Variants in TRIO observed in about 807,000 individuals in gnomAD.
TRIO encodes the protein triple functional domain protein.
Under a neutral mutation model 351.9 loss-of-function variants are expected in TRIO, and 58 were observed. The ratio of observed to expected loss-of-function variants is 0.16; its 90% CI spans 0.13 to 0.21. The LOEUF is 0.21. Ranked by LOEUF, TRIO falls within the 10% of genes least tolerant of loss-of-function variation. TRIO has a pLI of 1.00. For synonymous variants in TRIO, 1,758 were observed against 1,595.7 expected (o/e 1.10, Z -2.42); for missense variants, 3,201 against 4,027.8 (o/e 0.79, Z 5.56).
At chr5:14,177,513 GC>G (rs1321744147) in intron 1 of TRIO, among the ~76,000 whole-genome samples, 1 of 152,200 alleles carries the variant, frequency 6.6e-6, no homozygotes, top group Non-Finnish European at 1.5e-5. Context: ...TTCAAGGATA[GC>G]CCAGGATTCT....
chr5:14,316,706 G>A lies in TRIO; in HGVS notation c.1694G>A (p.Arg565Lys). ...CACCGCAAGGTCCGGCTGCATCAGA[G>A]GCTGCAGCTGTGTGTTTTCCAGCAG... ...WQHRKVRLHQ[R>K]LQLCVFQQDV... The change falls in exon 9 of 57, where the codon AGG (arginine) becomes AAG (lysine). Residue 565 changes from arginine to lysine, a missense_variant. By Grantham distance (26) the Arg-to-Lys change is conservative. Transcript: ENST00000344204. The A allele has an allele frequency of 6.2e-7, 1 of 1,614,172 alleles. No homozygotes were observed. Among genetic ancestry groups the A allele is most frequent in the Non-Finnish European group, 8.5e-7 (1 of 1,180,018 alleles).
intron 9 of TRIO, among the ~76,000 whole-genome samples, chr5:14,328,522 T>TA (rs1352366192): frequency 6.6e-6 from 1 of 152,228 alleles, no homozygotes; most frequent in East Asian, 1.9e-4. Context: ...ATACGCCAGT[T>TA]AAAACAATGG....
intron 18 of TRIO, 124 bp downstream of exon 18, chr5:14,369,647 G>A (rs907521972): frequency 1.4e-5 from 17 of 1,246,652 alleles, no homozygotes; most frequent in African/African-American, 7.6e-5. Context: ...GGAATGTAAC[G>A]GGGCAGTGTC....
intron 1 of TRIO, among the ~76,000 whole-genome samples, chr5:14,208,294 A>G (rs977018953): frequency 4.6e-5 from 7 of 152,248 alleles, no homozygotes; most frequent in East Asian, 1.9e-4. Context: ...GTGGTATATC[A>G]TCATCATATC....
At chr5:14,306,526 G>A (rs1738388215) in intron 8 of TRIO, among the ~76,000 whole-genome samples, 2 of 152,132 alleles carry the variant, frequency 1.3e-5, no homozygotes, top group South Asian at 4.1e-4. Context: ...ACTCACACAT[G>A]TAATGAGGCC....
At position 14,486,198 on chromosome 5, in the gene TRIO, A is replaced by G. The variant is rs117297784; in HGVS notation, c.6835+952A>G. 2.8e-3 allele frequency among the ~76,000 whole-genome samples: 432 copies of G among 152,314 alleles called. 15 individuals carry two copies. In the East Asian group the frequency reaches 0.068, roughly 24 times the overall value. ...GAATTCAGTCCGAAGCTATGTGCCC[A>G]TGTCATCTGTGTCTTCTGGGTTCTT... On this transcript the variant is annotated intron_variant, in intron 47 of 56. Coordinates refer to ENST00000344204, the MANE Select transcript of TRIO (RefSeq NM_007118.4).
intron 37 of TRIO, 50 bp from the exon 38 acceptor site, chr5:14,471,268 A>C: frequency 6.3e-7 from 1 of 1,580,888 alleles, no homozygotes; most frequent in Non-Finnish European, 8.6e-7. Context: ...GTTTTAGCCA[A>C]TCATGGGCTG....
chr5:14,492,788 C>G lies in TRIO; in HGVS notation c.7854C>G (p.Ile2618Met). 6.2e-7 allele frequency: 1 copy of G among 1,614,012 alleles called. No individual in the cohort carries two copies. Among genetic ancestry groups the G allele is most frequent in the Non-Finnish European group, 8.5e-7 (1 of 1,179,990 alleles). ...GFVLGHTSAV[I>M]VENPDGTLKK... ...TCCTGGGCCACACCAGTGCAGTCAT[C>G]GTGGAGAACCCGGACGGGACTCTCA... The change falls in exon 49 of 57, where the codon ATC becomes ATG. Residue 2618 changes from isoleucine (I) to methionine (M), a missense_variant. Transcript: ENST00000344204.
intron 3 of TRIO, 40 bp downstream of exon 3, chr5:14,280,476 T>TCTC: frequency 2.6e-6 from 4 of 1,542,228 alleles, no homozygotes; most frequent in African/African-American, 1.4e-5. Flanking sequence ...TGATGTCACA[T>TCTC]TTACAAGAGA....
intron 1 of TRIO, among the ~76,000 whole-genome samples, chr5:14,181,640 C>T (rs1789775135): frequency 6.6e-6 from 1 of 152,230 alleles, no homozygotes; most frequent in South Asian, 2.1e-4. Context: ...GGCAGCTGCA[C>T]TGCAGAAATC....
chr5:14,199,209 A>AAAC (rs1395324860), intron 1 of TRIO, among the ~76,000 whole-genome samples: 92 of 151,144 alleles, frequency 6.1e-4, no homozygotes, highest in Non-Finnish European at 7.5e-4. Context: ...AAAAAAAAAA[A>AAAC]AAAAAAAAAA....
intron 1 of TRIO, among the ~76,000 whole-genome samples, chr5:14,159,023 C>A (rs1393315816): frequency 6.6e-6 from 1 of 152,084 alleles, no homozygotes; most frequent in South Asian, 2.1e-4. Context: ...TTTTAACTTG[C>A]CCCAGCTCAG....
rs567007340 is a variant in TRIO, at chr5:14,381,269, C to T, written c.3570+17C>T. On this transcript the variant is annotated intron_variant, in intron 21 of 56. Transcript: ENST00000344204. ...ACTGCAAAGGTGGGTTCAGAGTGTA[C>T]TTTGTATAGTGGCCTCTAAGTCGAA... The T allele has an allele frequency of 3.1e-6, 5 of 1,592,160 alleles. No homozygotes were observed. The African/African-American group carries it at 6.8e-5, about 22-fold the overall frequency.
chr5:14,300,368 T>C (rs1737771228), intron 7 of TRIO, among the ~76,000 whole-genome samples: 1 of 152,232 alleles, frequency 6.6e-6, no homozygotes, highest in African/African-American at 2.4e-5. Context: ...AATAGCAAGA[T>C]GATAAAATCA....
intron 1 of TRIO, among the ~76,000 whole-genome samples, chr5:14,171,836 C>T (rs929684304): frequency 5.9e-5 from 9 of 152,182 alleles, no homozygotes; most frequent in Admixed American, 5.2e-4. Flanking sequence ...GCCTTTTCAG[C>T]CAGTTTGGGT....
intron 1 of TRIO, among the ~76,000 whole-genome samples, chr5:14,239,271 C>T (rs1793983660): frequency 6.6e-6 from 1 of 151,916 alleles, no homozygotes; most frequent in South Asian, 2.1e-4. Context: ...TCAACCTCCC[C>T]TCCCCCCCAT....
At position 14,374,300 on chromosome 5, in the gene TRIO, A is replaced by G. The variant is rs1349442964; in HGVS notation, c.3288A>G (p.Pro1096=). Residue 1096 remains proline (P), a synonymous_variant, in exon 19 of 57, where the codon CCA becomes CCG. Coordinates refer to ENST00000344204, the MANE Select transcript of TRIO (RefSeq NM_007118.4). ...KYLHRNSVNM[P]GMVTHIKAPE... ...TGCACAGGAACAGCGTGAACATGCCAGGAATGGTGACGCACATCAAAGCTC... is the reference window on the plus strand; with the variant it reads ...TGCACAGGAACAGCGTGAACATGCCGGGAATGGTGACGCACATCAAAGCTC... 6 of 1,613,598 alleles carry G rather than the reference A, an allele frequency of 3.7e-6. No individual in the cohort carries two copies. Among genetic ancestry groups the G allele is most frequent in the Non-Finnish European group, 5.1e-6 (6 of 1,179,738 alleles).
At chr5:14,145,492 ACC>A (rs36110495) in intron 1 of TRIO, among the ~76,000 whole-genome samples, 6 of 144,890 alleles carry the variant, frequency 4.1e-5, no homozygotes, top group African/African-American at 1.0e-4. Flanking sequence ...AAAGAAAGCT[ACC>A]CCCCCCCACC....
At chr5:14,310,543 G>T (rs1253547985) in intron 8 of TRIO, among the ~76,000 whole-genome samples, 1 of 152,250 alleles carries the variant, frequency 6.6e-6, no homozygotes, top group African/African-American at 2.4e-5. Context: ...TAAAGGCACT[G>T]TATCAGTGGG....
Sources: allele counts gnomAD v4.1 joint callset (sites outside exome capture counted in the v4.1 genomes callset), GRCh38; gene constraint gnomAD v4.1.1; transcripts MANE v1.5; gene names NCBI Gene and HGNC (gene_info 2026-07-23, HGNC 2026-07-21).